The following FAM181A variants were observed in gnomAD, a reference collection of about 807,000 sequenced individuals.
FAM181A encodes family with sequence similarity 181 member A.
A neutral mutation model predicts 16.3 loss-of-function variants in FAM181A; 7 were observed. The observed-to-expected ratio is 0.43, with a 90% CI of 0.24 to 0.81. The LOEUF (loss-of-function observed/expected upper bound fraction) is 0.81, where lower values mean the gene tolerates loss of function less well. Among genes scored for constraint, FAM181A ranks in the 30% least tolerant of loss-of-function variants. The pLI, the probability that FAM181A is intolerant of heterozygous loss-of-function variation, is 0.24. For missense variants in FAM181A, 349 were observed against 377.5 expected (o/e 0.92, Z 0.63); for synonymous variants, 183 against 164.9 (o/e 1.11, Z -0.84).
At chr14:93,919,906 C>A (rs1227300209) in intron 1 of FAM181A, among the ~76,000 whole-genome samples, 1 of 151,092 alleles carries the variant, frequency 6.6e-6, no homozygotes, top group Non-Finnish European at 1.5e-5. Flanking sequence ...CAAAGCCATG[C>A]CCTCAGAAAA....
chr14:93,924,183 A>G (rs1310395717), upstream of FAM181A, among the ~76,000 whole-genome samples: 1 of 152,220 alleles, frequency 6.6e-6, no homozygotes, highest in African/African-American at 2.4e-5. Context: ...GGCCTTCTGC[A>G]TTTAGCTAAG....
chr14:93,922,890 A>G (rs1887777400), upstream of FAM181A, among the ~76,000 whole-genome samples: 1 of 152,226 alleles, frequency 6.6e-6, no homozygotes, highest in South Asian at 2.1e-4. Context: ...CATTGTTTGC[A>G]AATAAGTAGA....
At chr14:93,925,676 G>C (rs1442284088), upstream of FAM181A, among the ~76,000 whole-genome samples, 1 of 151,790 alleles carries the variant, frequency 6.6e-6, no homozygotes, top group African/African-American at 2.4e-5. Flanking sequence ...AGGGCACGTA[G>C]TGGCCAACAA....
chr14:93,925,480 C>G (rs1887869276), upstream of FAM181A: 1 of 971,406 alleles, frequency 1.0e-6, no homozygotes. Flanking sequence ...CACAGGCCCT[C>G]AGGGCGCTCT....
At chr14:93,925,351 G>A, upstream of FAM181A, 1 of 1,613,340 alleles carries the variant, frequency 6.2e-7, no homozygotes, top group Non-Finnish European at 8.5e-7. Context: ...GGGGAGAAAA[G>A]GGCGAGCACA....
At chr14:93,921,639 A>G (rs11627710) in intron 1 of FAM181A, among the ~76,000 whole-genome samples, 118,796 of 152,212 alleles carry the variant, frequency 0.78, 47,262 homozygotes, top group African/African-American at 0.92. Flanking sequence ...AGGCGCTGCC[A>G]GGCCACTCTG....
At chr14:93,927,735 A>C in intron 1 of FAM181A, 1 of 441,792 alleles carries the variant, frequency 2.3e-6, no homozygotes, top group Non-Finnish European at 3.0e-6. Flanking sequence ...TGCTGGGGGC[A>C]GGAGTGGTGG....
At chr14:93,927,151 C>T (rs971401488), upstream of FAM181A, 2 of 431,196 alleles carry the variant, frequency 4.6e-6, no homozygotes, top group Non-Finnish European at 6.2e-6. Flanking sequence ...AGAAATTTAC[C>T]GGGAAATGAT....
Position 93,921,744 on chromosome 14 carries a change from TG to T in FAM181A, c.-225+2753del, listed in dbSNP as rs1160921653. Reference sequence around the variant, plus strand: ...GGTGGCTGGGAAGAGTCTGTAGCCCTGGGCTAGCAAGGCCCCTGGGAGGGAG... The same window carrying T: ...GGTGGCTGGGAAGAGTCTGTAGCCCTGGCTAGCAAGGCCCCTGGGAGGGAG... On this transcript the variant is annotated intron_variant, in intron 1 of 2. Coordinates refer to the FAM181A transcript ENST00000267594. Among the ~76,000 whole-genome samples the T allele has an allele frequency of 3.3e-5, 5 of 152,034 alleles. No homozygotes were observed. In the East Asian group the frequency reaches 9.7e-4, roughly 29 times the overall value.
intron 1 of FAM181A, among the ~76,000 whole-genome samples, chr14:93,920,454 G>GGAAGGAAA (rs1055801929): frequency 6.7e-6 from 1 of 149,108 alleles, no homozygotes; most frequent in African/African-American, 2.5e-5. Flanking sequence ...AAGGAAGGAA[G>GGAAGGAAA]GAAGGAAAGA....
Position 93,928,956 on chromosome 14 carries a change from A to C in FAM181A, c.671A>C (p.Tyr224Ser). The C allele has an allele frequency of 6.2e-7, 1 of 1,613,948 alleles. No individual in the cohort carries two copies. Among genetic ancestry groups the C allele is most frequent in the Non-Finnish European group, 8.5e-7 (1 of 1,179,948 alleles). ...CPFQYHGQPI[Y>S]PGPLGALPQS... ...TTCCAGTACCATGGACAGCCCATCT[A>C]TCCGGGCCCCCTGGGGGCACTGCCT... Residue 224 changes from tyrosine (Y) to serine (S), a missense_variant, in exon 2 of 2, where the codon TAT becomes TCT. By Grantham distance (144) the Tyr-to-Ser change is moderately radical. Coordinates refer to ENST00000556222, the MANE Select transcript of FAM181A (RefSeq NM_001207073.2).
At chr14:93,926,511 C>T (rs954781191), upstream of FAM181A, 24 of 152,252 alleles carry the variant, frequency 1.6e-4, no homozygotes, top group African/African-American at 4.3e-4. The surrounding 1 kb of genome is among the most constrained non-coding windows in gnomAD (Gnocchi z 5.2). Flanking sequence ...TCCATCATGA[C>T]GACTCGATTT....
In FAM181A at chr14:93,928,219, T is replaced by C; in HGVS notation, c.-67T>C. On this transcript the variant is annotated 5_prime_UTR_variant, in exon 2 of 2. Coordinates refer to ENST00000556222, the MANE Select transcript of FAM181A (RefSeq NM_001207073.2). The stretch of plus-strand genomic sequence containing the variant: ...CCCAGGTCAGCTCGGTGCCCTTCCT[T>C]GGAGCTGCCGGCCACCAGCAGAGCC... 2 of 1,613,370 alleles carry C rather than the reference T, an allele frequency of 1.2e-6. No individual in the cohort carries two copies. The highest frequency in any genetic ancestry group is 1.3e-5 in the African/African-American group (1 of 75,014).
At chr14:93,927,496 G>C in intron 1 of FAM181A, 42 bp downstream of exon 1, 1 of 1,269,580 alleles carries the variant, frequency 7.9e-7, no homozygotes, top group Non-Finnish European at 1.0e-6. Flanking sequence ...ACTGGGTGGC[G>C]GGTGTGGGGG....
chr14:93,925,851 AG>A (rs1887886605), upstream of FAM181A, among the ~76,000 whole-genome samples: 1 of 152,052 alleles, frequency 6.6e-6, no homozygotes, highest in Non-Finnish European at 1.5e-5. Flanking sequence ...TTTGCCTGTA[AG>A]GACCCTCAGG....
chr14:93,922,193 C>T (rs1472659356), intron 1 of FAM181A: 1 of 152,198 alleles, frequency 6.6e-6, no homozygotes, highest in African/African-American at 2.4e-5. Context: ...TGTAAAATCT[C>T]CTTTAACATT....
upstream of FAM181A, chr14:93,927,320 C>G: frequency 9.4e-7 from 1 of 1,068,664 alleles, no homozygotes; most frequent in South Asian, 2.5e-5. Flanking sequence ...GGGAGTTGTC[C>G]TCCATTCAGC....
upstream of FAM181A, among the ~76,000 whole-genome samples, chr14:93,923,163 C>T (rs544670912): frequency 4.6e-5 from 7 of 152,230 alleles, no homozygotes; most frequent in Admixed American, 2.0e-4. Context: ...TTAGTAGAGA[C>T]GGGGTTTCAC....
chr14:93,924,722 G>A (rs1567010932), upstream of FAM181A, among the ~76,000 whole-genome samples: 1 of 152,210 alleles, frequency 6.6e-6, no homozygotes, highest in South Asian at 2.1e-4. Context: ...GCAGCATCTG[G>A]TGCTCACGGG....
Sources: allele counts gnomAD v4.1 joint callset (sites outside exome capture counted in the v4.1 genomes callset), GRCh38; gene constraint gnomAD v4.1.1; non-coding constraint Gnocchi (gnomAD v3.1); transcripts MANE v1.5; gene names NCBI Gene and HGNC (gene_info 2026-07-23, HGNC 2026-07-21).